The following CBLL1 variants were observed in gnomAD, a reference collection of about 807,000 sequenced individuals.
The protein encoded by CBLL1 is Cbl proto-oncogene like 1.
Under a neutral mutation model 44.9 loss-of-function variants are expected in CBLL1, and 4 were observed. The ratio of observed to expected loss-of-function variants is 0.09; its 90% CI spans 0.04 to 0.20. The LOEUF (loss-of-function observed/expected upper bound fraction) is 0.20. CBLL1 is among the 10% of genes least tolerant of loss of function. CBLL1 has a pLI of 1.00. For missense variants in CBLL1, 569 were observed against 636.7 expected (o/e 0.89, Z 1.14); for synonymous variants, 235 against 202.2 (o/e 1.16, Z -1.38).
At chr7:107,749,219 TA>T in intron 2 of CBLL1, 172 bp downstream of exon 2, 1 of 511,424 alleles carries the variant, frequency 2.0e-6, no homozygotes, top group East Asian at 3.4e-5. Flanking sequence ...CCTTTATAAA[TA>T]TTTTTTGATT....
At chr7:107,747,202 C>T (rs1793063469) in intron 1 of CBLL1, among the ~76,000 whole-genome samples, 3 of 152,158 alleles carry the variant, frequency 2.0e-5, no homozygotes, top group Non-Finnish European at 2.9e-5. Flanking sequence ...ATCTGTGAAG[C>T]AGAGTGGGAA....
chr7:107,757,880 C>T (rs926856197), intron 5 of CBLL1, among the ~76,000 whole-genome samples: 1 of 151,954 alleles, frequency 6.6e-6, no homozygotes, highest in African/African-American at 2.4e-5. Flanking sequence ...AATTCTAGGC[C>T]TTGGGAAGAA....
intron 2 of CBLL1, chr7:107,752,549 A>G (rs1431652005): frequency 2.2e-5 from 28 of 1,289,242 alleles, no homozygotes; most frequent in Non-Finnish European, 2.7e-5. Context: ...TACCAGTTCT[A>G]GGGCCAAAAG....
intron 2 of CBLL1, chr7:107,752,618 G>A (rs1287472807): frequency 1.6e-6 from 2 of 1,275,620 alleles, no homozygotes; most frequent in African/African-American, 3.1e-5. Flanking sequence ...TTTACTTTAG[G>A]TAATTGGATT....
Position 107,759,283 on chromosome 7 carries a change from A to G in CBLL1, c.*105A>G. On this transcript the variant is annotated 3_prime_UTR_variant, in exon 6 of 6. Transcript: ENST00000440859. ...AAGGAAGAGTACCTCTTATCGAGGT[A>G]GTATAAAACACATAGGGTCTTGTTT... 2.1e-6 allele frequency: 2 copies of G among 962,716 alleles called. No individual in the cohort carries two copies. Among genetic ancestry groups the G allele is most frequent in the Non-Finnish European group, 3.1e-6 (2 of 650,414 alleles). The allele number at this position is 962,716 out of a possible 1,614,324, so 59.6% of individuals were successfully genotyped here.
In CBLL1 at chr7:107,753,954, G is replaced by C. The variant is rs957399221; in HGVS notation, c.342G>C (p.Leu114Phe). 5.7e-6 allele frequency: 9 copies of C among 1,592,810 alleles called. No individual in the cohort carries two copies. Among genetic ancestry groups the C allele is most frequent in the Non-Finnish European group, 7.7e-6 (9 of 1,167,436 alleles). ...TTCATTTCTGTGACAAGTGTGGATT[G>C]CCTATTAAAATCTATGGGAGAATGG... ...TPVHFCDKCG[L>F]PIKIYGRMIP... Residue 114 changes from leucine to phenylalanine, a missense_variant, in exon 4 of 6, where the codon TTG becomes TTC. Transcript: ENST00000440859.
chr7:107,753,376 T>C, intron 2 of CBLL1, 35 bp from the exon 3 acceptor site: 1 of 1,416,338 alleles, frequency 7.1e-7, no homozygotes, highest in Non-Finnish European at 9.7e-7. Flanking sequence ...ATTTGAGATT[T>C]GGAAAGTTAA....
rs757917503 is a variant in CBLL1, at chr7:107,749,036, C to G, written c.170C>G (p.Pro57Arg). The change falls in exon 2 of 6, where the codon CCT becomes CGT. Residue 57 changes from proline to arginine, a missense_variant. Pro to Arg is a moderately radical substitution (Grantham distance 103). This residue lies in a region of CBLL1 where 209 missense variants were observed against 202.8 expected (regional missense o/e 1.03). Transcript: ENST00000440859. ...AACAGGATGCCTGCAAAGGCTCCAC[C>G]TGGTGATGAAGGTAATTTGTTTAAC... is the stretch of plus-strand genomic sequence containing the variant. ...TINRMPAKAPPGDEEGFDYNE... is the reference protein window; with the variant it reads ...TINRMPAKAPRGDEEGFDYNE... 6.8e-6 allele frequency: 11 copies of G among 1,613,762 alleles called. No homozygotes were observed. In the Admixed American group the frequency reaches 1.7e-4, roughly 24 times the overall value.
Position 107,759,203 on chromosome 7 carries a change from T to G in CBLL1, c.*25T>G. 1 of 1,543,076 alleles carries G rather than the reference T, an allele frequency of 6.5e-7. No homozygotes were observed. The highest frequency in any genetic ancestry group is 8.7e-7 in the Non-Finnish European group (1 of 1,146,598). Reference sequence around the variant, plus strand: ...ATAATAGTATTTTGAATGGAAGATATGAGGGGGAAAAAAACTTATGTGTAG... The same window carrying G: ...ATAATAGTATTTTGAATGGAAGATAGGAGGGGGAAAAAAACTTATGTGTAG... On this transcript the variant is annotated 3_prime_UTR_variant, in exon 6 of 6. Coordinates refer to ENST00000440859, the MANE Select transcript of CBLL1 (RefSeq NM_024814.4).
chr7:107,745,235 A>G (rs952579622), intron 1 of CBLL1, among the ~76,000 whole-genome samples: 3 of 152,194 alleles, frequency 2.0e-5, no homozygotes, highest in African/African-American at 7.2e-5. Flanking sequence ...ATTATTTTGA[A>G]GAAAATAAAC....
intron 2 of CBLL1, among the ~76,000 whole-genome samples, chr7:107,750,375 G>T (rs370203702): frequency 1.5e-4 from 22 of 151,254 alleles, no homozygotes; most frequent in African/African-American, 5.1e-4. Flanking sequence ...GCGGGATCTC[G>T]GCTCACTGCA....
At chr7:107,754,246 C>T in intron 4 of CBLL1, 1 of 200,038 alleles carries the variant, frequency 5.0e-6, no homozygotes, top group Non-Finnish European at 1.0e-5. Flanking sequence ...AGTGAATTTA[C>T]AGTTATTCTA....
At chr7:107,748,033 A>G (rs80106171) in intron 1 of CBLL1, among the ~76,000 whole-genome samples, 1,572 of 152,262 alleles carry the variant, frequency 0.01, 15 homozygotes, top group South Asian at 0.019. Flanking sequence ...ATTTTCATCT[A>G]CTTGAAAAAA....
At chr7:107,747,119 C>CA (rs1793059612) in intron 1 of CBLL1, among the ~76,000 whole-genome samples, 1 of 152,068 alleles carries the variant, frequency 6.6e-6, no homozygotes, top group South Asian at 2.1e-4. Context: ...AATTTAAAAA[C>CA]AACAAAAAGC....
rs190942684 is a variant in CBLL1, at chr7:107,759,444, G to T, written c.*266G>T. 5 of 320,232 alleles carry T rather than the reference G, an allele frequency of 1.6e-5. No homozygotes were observed. Among genetic ancestry groups the T allele is most frequent in the Middle Eastern group, 1.7e-3 (2 of 1,150 alleles). The allele number at this position is 320,232 out of a possible 1,614,324, so 19.8% of individuals were successfully genotyped here. A position where few individuals can be genotyped will look rare whatever the true frequency, so the allele number is the denominator to read the frequency against. On this transcript the variant is annotated 3_prime_UTR_variant, in exon 6 of 6. Transcript: ENST00000440859. ...TAGTTTAGTAAATTGACCCAGAGGT[G>T]ACCATTTGTAAAAAATTTGAAAAAA...
rs1256417195 is a variant in CBLL1, at chr7:107,754,068, C to CT, written c.366+91dup. On this transcript the variant is annotated intron_variant, in intron 4 of 5. Coordinates refer to ENST00000440859, the MANE Select transcript of CBLL1 (RefSeq NM_024814.4). ...AGATAGGTTTATCATTGTTTAATGACTAAGTTTGCAAAATTTTAAATAAGT... is the reference window on the plus strand; with the variant it reads ...AGATAGGTTTATCATTGTTTAATGACTTAAGTTTGCAAAATTTTAAATAAGT... 1.0e-4 allele frequency: 65 copies of CT among 647,822 alleles called. 1 individual carries two copies. The African/African-American group carries it at 1.2e-3, about 12-fold the overall frequency. 40.1% of individuals were successfully genotyped at this position (647,822 alleles called of 1,614,324 possible).
intron 1 of CBLL1, among the ~76,000 whole-genome samples, chr7:107,747,845 G>A (rs1311865724): frequency 1.3e-5 from 2 of 152,192 alleles, no homozygotes; most frequent in Non-Finnish European, 1.5e-5. Context: ...TGAATTTAAT[G>A]TGGATGGTTT....
intron 4 of CBLL1, among the ~76,000 whole-genome samples, chr7:107,754,755 C>T (rs1277816149): frequency 1.3e-5 from 2 of 151,924 alleles, no homozygotes; most frequent in African/African-American, 4.8e-5. Flanking sequence ...TGTTATTTTA[C>T]TGCATTGGAA....
Position 107,758,080 on chromosome 7 carries a change from G to T in CBLL1, c.441-63G>T, listed in dbSNP as rs1428632460. On this transcript the variant is annotated intron_variant, in intron 5 of 5. Coordinates refer to ENST00000440859, the MANE Select transcript of CBLL1 (RefSeq NM_024814.4). This position sits in a 1 kb window ranked among gnomAD's most constrained non-coding sequence, Gnocchi z 4.2. ...AAATTTTAAAAACAAGCATATTTTT[G>T]AAAATTACATAATTTTTTGTATTCT... 3 of 1,429,054 alleles carry T rather than the reference G, an allele frequency of 2.1e-6. No individual in the cohort carries two copies. The highest frequency in any genetic ancestry group is 1.4e-5 in the African/African-American group (1 of 69,102). 88.5% of individuals were successfully genotyped at this position (1,429,054 alleles called of 1,614,324 possible). A position where few individuals can be genotyped will look rare whatever the true frequency, so the allele number is the denominator to read the frequency against.
Sources: allele counts gnomAD v4.1 joint callset (sites outside exome capture counted in the v4.1 genomes callset), GRCh38; gene constraint gnomAD v4.1.1; regional missense constraint gnomAD v4.1.1; non-coding constraint Gnocchi (gnomAD v3.1); transcripts MANE v1.5; gene names NCBI Gene and HGNC (gene_info 2026-07-23, HGNC 2026-07-21).